Variants in LRRK1 observed in about 807,000 individuals in gnomAD.
The protein encoded by LRRK1 is leucine rich repeat kinase 1, also known as leucine-rich repeat serine/threonine-protein kinase 1.
LRRK1 carries 113 observed loss-of-function variants against 209.1 expected under a neutral mutation model. That is an observed-to-expected ratio of 0.54 (90% CI 0.46 to 0.63). The LOEUF (loss-of-function observed/expected upper bound fraction) is 0.63, where lower values mean the gene tolerates loss of function less well. Among genes scored for constraint, LRRK1 ranks in the 30% least tolerant of loss-of-function variants. The pLI is 0.00. For missense variants in LRRK1, 2,284 were observed against 2,632.2 expected (o/e 0.87, Z 2.89); for synonymous variants, 1,144 against 1,099.7 (o/e 1.04, Z -0.80).
In LRRK1 at chr15:101,067,147, C is replaced by T. The variant is rs1389620676; in HGVS notation, c.5870+406C>T. On this transcript the variant is annotated intron_variant, in intron 33 of 33. Transcript: ENST00000388948. ...ACCCTATGGGGACAGATGACACAGG[C>T]ACACCTTGTCATCTCCAAGCCTGGG... 9.6e-6 allele frequency: 4 copies of T among 416,636 alleles called. No individual in the cohort carries two copies. The East Asian group carries it at 2.8e-4, about 29-fold the overall frequency. 25.8% of individuals were successfully genotyped at this position (416,636 alleles called of 1,614,324 possible). A position where few individuals can be genotyped will look rare whatever the true frequency, so the allele number is the denominator to read the frequency against.
Position 100,983,530 on chromosome 15 carries a change from C to T in LRRK1, c.264C>T (p.Gly88=). The change falls in exon 4 of 34, where the codon GGC becomes GGT. Residue 88 remains glycine (G), a splice_region_variant and synonymous_variant. Coordinates refer to ENST00000388948, the MANE Select transcript of LRRK1 (RefSeq NM_024652.6). ...CDQCASQLEK[G]QLLSIPAAYG... is the part of the protein sequence containing the mutation. ...GAGCCCTGTTCTGTTTTGACCAGGG[C>T]CAGCTTCTGAGCATCCCGGCAGCCT... The T allele has an allele frequency of 6.3e-7, 1 of 1,593,604 alleles. No homozygotes were observed. The highest frequency in any genetic ancestry group is 8.6e-7 in the Non-Finnish European group (1 of 1,168,604).
At chr15:101,053,976 C>T (rs1258371827) in intron 26 of LRRK1, among the ~76,000 whole-genome samples, 1 of 152,146 alleles carries the variant, frequency 6.6e-6, no homozygotes, top group Non-Finnish European at 1.5e-5. Context: ...ATTTTTTAAA[C>T]AGAATTCTTT....
chr15:101,005,119 T>C (rs1337991105), intron 6 of LRRK1, among the ~76,000 whole-genome samples: 1 of 152,210 alleles, frequency 6.6e-6, no homozygotes, highest in Non-Finnish European at 1.5e-5. Context: ...CTTGATTCCA[T>C]GTTCAGCTGT....
intron 2 of LRRK1, among the ~76,000 whole-genome samples, chr15:100,935,596 T>C (rs1447512015): frequency 6.6e-6 from 1 of 152,116 alleles, no homozygotes; most frequent in Non-Finnish European, 1.5e-5. Context: ...GCCAGAGCCC[T>C]GGAGAGAAGG....
chr15:101,009,186 A>T (rs2033122295), intron 7 of LRRK1, 123 bp downstream of exon 7: 1 of 778,308 alleles, frequency 1.3e-6, no homozygotes, highest in Non-Finnish European at 2.1e-6. Context: ...AAATAGGAGA[A>T]GGAGTTTTGC....
intron 20 of LRRK1, among the ~76,000 whole-genome samples, chr15:101,034,360 T>A (rs2034412308): frequency 6.6e-6 from 1 of 152,168 alleles, no homozygotes; most frequent in Non-Finnish European, 1.5e-5. Context: ...CTTACCCTGT[T>A]TTCTTCTAGT....
At chr15:101,035,360 T>C (rs1035478006) in intron 20 of LRRK1, among the ~76,000 whole-genome samples, 1 of 152,172 alleles carries the variant, frequency 6.6e-6, no homozygotes, top group Admixed American at 6.5e-5. Context: ...TGCATATATA[T>C]TGATATTGTT....
intron 2 of LRRK1, among the ~76,000 whole-genome samples, chr15:100,961,372 T>C (rs1324068130): frequency 6.6e-6 from 1 of 152,020 alleles, no homozygotes; most frequent in Non-Finnish European, 1.5e-5. Context: ...TAGCAGTTGG[T>C]GGCTGGGCGC....
rs770284707 is a variant in LRRK1 at position 100,924,744 on chromosome 15, G to A, written c.97+15G>A. 5.6e-6 allele frequency: 9 copies of A among 1,603,270 alleles called. No homozygotes were observed. The highest frequency in any genetic ancestry group is 1.7e-4 in the Middle Eastern group (1 of 6,060). On this transcript the variant is annotated intron_variant, in intron 2 of 33. Coordinates refer to ENST00000388948, the MANE Select transcript of LRRK1 (RefSeq NM_024652.6). ...GACGCTTAACGGTAAGGACAGGGCT[G>A]TGCTTATGCCTGCCTGGGTGTGACC...
At chr15:100,926,680 C>CTTTTTTTTTTTTTTTTT (rs71151990) in intron 2 of LRRK1, among the ~76,000 whole-genome samples, 10 of 81,848 alleles carry the variant, frequency 1.2e-4, no homozygotes, top group Non-Finnish European at 1.5e-4. Flanking sequence ...TTCTTTTTTT[C>CTTTTTTTTTTTTTTTTT]TTTTTTTTTT....
At chr15:101,005,147 G>A (rs948282903) in intron 6 of LRRK1, among the ~76,000 whole-genome samples, 1 of 152,196 alleles carries the variant, frequency 6.6e-6, no homozygotes, top group Non-Finnish European at 1.5e-5. Flanking sequence ...TTGCCCCTGA[G>A]ACCTGGGTGT....
At position 101,022,417 on chromosome 15, in the gene LRRK1, G is replaced by T; in HGVS notation, c.1887G>T (p.Gln629His). ...PKAMLSYLRAQLRKAEKCKLM... is the reference protein window; with the variant it reads ...PKAMLSYLRAHLRKAEKCKLM... ...CAATGCTGTCTTACCTGCGTGCTCA[G>T]CTGCGGAAAGCGGAAAAGTGCAAGC... Residue 629 changes from glutamine to histidine, a missense_variant, in exon 15 of 34, where the codon CAG (glutamine) becomes CAT (histidine). Gln to His is a conservative substitution (Grantham distance 24). Transcript: ENST00000388948. The surrounding 1 kb of genome is among the most constrained non-coding windows in gnomAD (Gnocchi z 4.0). 1.2e-6 allele frequency: 2 copies of T among 1,614,220 alleles called. No individual in the cohort carries two copies. The highest frequency in any genetic ancestry group is 1.7e-6 in the Non-Finnish European group (2 of 1,180,030).
intron 6 of LRRK1, among the ~76,000 whole-genome samples, chr15:101,006,372 T>TAA (rs56053663): frequency 3.0e-4 from 34 of 114,420 alleles, no homozygotes; most frequent in Non-Finnish European, 5.3e-4. Flanking sequence ...GACAATGTGA[T>TAA]AAAAAAAAAA....
rs148412580 is a variant in LRRK1 at position 101,017,468 on chromosome 15, G to A, written c.1609+2066G>A. ...CCCAGCGCCCCCCAGGAAGCGAACC[G>A]GTATTGGTCCCTGGCCTGCTAGGAA... is the stretch of plus-strand genomic sequence containing the variant. On this transcript the variant is annotated intron_variant, in intron 12 of 33. Coordinates refer to ENST00000388948, the MANE Select transcript of LRRK1 (RefSeq NM_024652.6). Among the ~76,000 whole-genome samples the A allele has an allele frequency of 2.8e-3, 432 of 152,294 alleles. 3 individuals are homozygous for A. The highest frequency in any genetic ancestry group is 9.2e-3 in the African/African-American group (384 of 41,564).
chr15:100,926,035 C>G lies in LRRK1; in HGVS notation c.97+1306C>G, dbSNP rs118098122. Among the ~76,000 whole-genome samples the G allele has an allele frequency of 7.9e-3, 1,207 of 152,304 alleles. 10 individuals carry two copies. The highest frequency in any genetic ancestry group is 0.014 in the Middle Eastern group (4 of 292). On this transcript the variant is annotated intron_variant, in intron 2 of 33. Coordinates refer to ENST00000388948, the MANE Select transcript of LRRK1 (RefSeq NM_024652.6). ...TTGTTCAGTTGTTTGAGTGTTTTCA[C>G]TCCATCTGAAATGTCCAGCAGCTGA...
intron 2 of LRRK1, among the ~76,000 whole-genome samples, chr15:100,964,386 C>G (rs1022023246): frequency 2.6e-5 from 4 of 152,176 alleles, no homozygotes; most frequent in African/African-American, 9.7e-5. Context: ...AAAGAAGCAT[C>G]CTTCCAGTGG....
At chr15:100,955,129 A>G (rs1055467864) in intron 2 of LRRK1, among the ~76,000 whole-genome samples, 3 of 152,188 alleles carry the variant, frequency 2.0e-5, no homozygotes, top group Admixed American at 6.5e-5. Flanking sequence ...AATGCTTCCA[A>G]TCCATGGAGA....
At chr15:101,044,343 G>A (rs962746066) in intron 20 of LRRK1, among the ~76,000 whole-genome samples, 1 of 152,226 alleles carries the variant, frequency 6.6e-6, no homozygotes, top group African/African-American at 2.4e-5. Flanking sequence ...TGTCTCAGTG[G>A]GGTGGCATGA....
chr15:101,053,539 A>C, intron 26 of LRRK1, 119 bp downstream of exon 26: 2 of 856,796 alleles, frequency 2.3e-6, no homozygotes, highest in Non-Finnish European at 3.6e-6. Flanking sequence ...CGCCCAACCC[A>C]TGGCTCGTGT....
Sources: gnomAD v4.1 joint callset for allele counts (sites outside exome capture counted in the v4.1 genomes callset) on GRCh38, gnomAD v4.1.1 for gene constraint, Gnocchi (gnomAD v3.1) non-coding constraint, MANE v1.5 for transcripts, NCBI Gene and HGNC (gene_info 2026-07-23, HGNC 2026-07-21) for gene names.